Variants in IGSF10 observed in about 807,000 individuals in gnomAD.
IGSF10 encodes calvaria mechanical force protein 608.
A neutral mutation model predicts 128.2 loss-of-function variants in IGSF10; 126 were observed. The ratio of observed to expected loss-of-function variants is 0.98; its 90% CI spans 0.85 to 1.14. The LOEUF is 1.14. Among genes scored for constraint, IGSF10 ranks in the 50% most tolerant of loss-of-function variants. IGSF10 has a pLI of 0.00. For missense variants in IGSF10, 3,295 were observed against 3,149.8 expected (o/e 1.05, Z -1.10); for synonymous variants, 1,185 against 1,146.2 (o/e 1.03, Z -0.68).
At chr3:151,500,643 T>G in the IGSF10 span, among the ~76,000 whole-genome samples, 3,543 of 152,234 alleles carry the variant, frequency 0.023, 103 homozygotes, top group East Asian at 0.063. Flanking sequence ...AATTTACAAA[T>G]GAAGAAATCG....
the IGSF10 span, among the ~76,000 whole-genome samples, chr3:151,486,999 G>GGA: frequency 2.4e-4 from 11 of 45,040 alleles, no homozygotes; most frequent in Non-Finnish European, 4.8e-4. Context: ...CAGAACTGAA[G>GGA]GAGATAGACA....
In IGSF10 at chr3:151,448,313, A is replaced by G. The variant is rs1721325496; in HGVS notation, c.1668T>C (p.Tyr556=). 1 of 1,614,114 alleles carries G rather than the reference A, an allele frequency of 6.2e-7. No homozygotes were observed. The highest frequency in any genetic ancestry group is 1.1e-5 in the South Asian group (1 of 91,088). ...TATAGGTGAGAATATCTGCATCATC[A>G]TAATTGCTGCTTATACAGTGATATA... ...TGVYHCISSN[Y]DDADILTYRI... is the part of the protein sequence containing the mutation. The change falls in exon 6 of 8, where the codon TAT becomes TAC. Residue 556 remains tyrosine, a synonymous_variant. Coordinates refer to ENST00000282466, the MANE Select transcript of IGSF10 (RefSeq NM_178822.5).
At chr3:151,598,210 T>C in the IGSF10 span, among the ~76,000 whole-genome samples, 1 of 152,118 alleles carries the variant, frequency 6.6e-6, no homozygotes, top group Non-Finnish European at 1.5e-5. Context: ...TATACCAGTG[T>C]TGGGATACTT....
the IGSF10 span, among the ~76,000 whole-genome samples, chr3:151,613,767 A>T: frequency 3.3e-5 from 5 of 152,364 alleles, no homozygotes; most frequent in Admixed American, 6.5e-5. Context: ...AGGCATGGGC[A>T]AGGACTTCAT....
chr3:151,510,726 G>C, the IGSF10 span, among the ~76,000 whole-genome samples: 3 of 152,278 alleles, frequency 2.0e-5, no homozygotes, highest in East Asian at 3.9e-4. Context: ...AAAAAAATTA[G>C]ATGAATGGCT....
chr3:151,530,229 G>C, the IGSF10 span, among the ~76,000 whole-genome samples: 45 of 152,064 alleles, frequency 3.0e-4, no homozygotes, highest in African/African-American at 9.7e-4. Flanking sequence ...CCAAATCTAT[G>C]TTTGATAGGA....
chr3:151,531,976 T>A, the IGSF10 span, among the ~76,000 whole-genome samples: 42 of 151,284 alleles, frequency 2.8e-4, no homozygotes, highest in South Asian at 8.8e-3. Flanking sequence ...ATAAATGCAA[T>A]AAAAAATGAT....
upstream of IGSF10, among the ~76,000 whole-genome samples, chr3:151,464,822 A>G (rs1474554950): frequency 6.6e-6 from 1 of 152,210 alleles, no homozygotes; most frequent in Non-Finnish European, 1.5e-5. Context: ...CCATGAAGAG[A>G]CATAATGCAG....
the IGSF10 span, among the ~76,000 whole-genome samples, chr3:151,474,144 AG>A: frequency 6.6e-6 from 1 of 152,194 alleles, no homozygotes; most frequent in African/African-American, 2.4e-5. Context: ...ATTCAAAACA[AG>A]CACTTAATGG....
At chr3:151,478,691 T>G in the IGSF10 span, among the ~76,000 whole-genome samples, 1 of 152,130 alleles carries the variant, frequency 6.6e-6, no homozygotes, top group Non-Finnish European at 1.5e-5. Context: ...ACAATCAAAT[T>G]CCAATGCTCT....
chr3:151,477,722 C>A, the IGSF10 span, among the ~76,000 whole-genome samples: 4 of 152,140 alleles, frequency 2.6e-5, no homozygotes, highest in Non-Finnish European at 5.9e-5. Context: ...TGAGAATAAC[C>A]ACTGAAACAA....
rs116761667 is a variant in IGSF10, at chr3:151,459,698, T to C, written c.-2+563A>G. ...AAAAAAAAATGGTATCTGTTACCCA[T>C]ATGTGGGGCAAGCCCAGGAATTCAA... On this transcript the variant is annotated intron_variant, in intron 2 of 7. Transcript: ENST00000282466. Among the ~76,000 whole-genome samples, 933 of 152,284 alleles carry C rather than the reference T, an allele frequency of 6.1e-3. 13 individuals are homozygous for C. Among genetic ancestry groups the C allele is most frequent in the African/African-American group, 0.021 (880 of 41,554 alleles).
In IGSF10 at chr3:151,437,970, A is replaced by C. The variant is rs9864533; in HGVS notation, c.6591T>G (p.Ser2197=). 0.095 allele frequency: 153,760 copies of C among 1,614,066 alleles called. 10,911 individuals carry two copies. Among genetic ancestry groups the C allele is most frequent in the East Asian group, 0.39 (17,456 of 44,868 alleles). Residue 2197 remains serine, a synonymous_variant, in exon 8 of 8, where the codon TCT becomes TCG. Coordinates refer to ENST00000282466, the MANE Select transcript of IGSF10 (RefSeq NM_178822.5). ...GCAGTTTCACTTTGTTGATGGTCAA[A>C]GACCCATTGGCATGAAATGTGTACC... ...IDRYTFHANG[S]LTINKVKLLD...
chr3:151,441,947 G>C (rs1043404487), intron 7 of IGSF10, among the ~76,000 whole-genome samples: 7 of 152,202 alleles, frequency 4.6e-5, no homozygotes, highest in African/African-American at 1.7e-4. Flanking sequence ...TGTGGTCCCA[G>C]CTACTCAGGA....
upstream of IGSF10, among the ~76,000 whole-genome samples, chr3:151,462,272 T>C (rs1481736859): frequency 6.6e-6 from 1 of 152,168 alleles, no homozygotes; most frequent in Non-Finnish European, 1.5e-5. Flanking sequence ...GGGTCACGGG[T>C]CCAGCATCAG....
the IGSF10 span, among the ~76,000 whole-genome samples, chr3:151,611,341 G>A: frequency 6.6e-6 from 1 of 152,038 alleles, no homozygotes; most frequent in Non-Finnish European, 1.5e-5. Flanking sequence ...ACTAATCTAT[G>A]GCCATTTATT....
At chr3:151,473,031 T>C in the IGSF10 span, among the ~76,000 whole-genome samples, 2 of 152,182 alleles carry the variant, frequency 1.3e-5, no homozygotes, top group African/African-American at 4.8e-5. Context: ...GGGAAATCTC[T>C]CTCCAGGAAG....
downstream of IGSF10, chr3:151,432,801 C>A: frequency 6.2e-7 from 1 of 1,612,614 alleles, no homozygotes; most frequent in Middle Eastern, 1.7e-4. Context: ...CTTCACACTT[C>A]TGAATCTGCA....
At chr3:151,495,404 G>C in the IGSF10 span, among the ~76,000 whole-genome samples, 1 of 152,074 alleles carries the variant, frequency 6.6e-6, no homozygotes, top group African/African-American at 2.4e-5. Context: ...CTGTGTCTGT[G>C]ATTATGATCT....
Sources: allele counts gnomAD v4.1 joint callset (sites outside exome capture counted in the v4.1 genomes callset), GRCh38; gene constraint gnomAD v4.1.1; transcripts MANE v1.5; gene names NCBI Gene and HGNC (gene_info 2026-07-23, HGNC 2026-07-21).